Variants in DHX32 observed in about 807,000 individuals in gnomAD.
DHX32 encodes putative pre-mRNA-splicing factor ATP-dependent RNA helicase DHX32.
In DHX32, 51 loss-of-function variants were observed where a neutral mutation model predicts 70.0. The observed-to-expected ratio is 0.73, with a 90% CI of 0.58 to 0.92. The LOEUF (loss-of-function observed/expected upper bound fraction) is 0.92. Among genes scored for constraint, DHX32 ranks in the 40% least tolerant of loss-of-function variants. The probability of loss-of-function intolerance (pLI) is 0.00; values close to 1 mark genes in which losing one functional copy is unlikely to be tolerated. For synonymous variants in DHX32, 310 were observed against 315.3 expected (o/e 0.98, Z 0.18); for missense variants, 762 against 891.8 (o/e 0.85, Z 1.85).
chr10:125,859,757 A>G lies in DHX32; in HGVS notation c.695T>C (p.Val232Ala), dbSNP rs758355148. The G allele has an allele frequency of 8.1e-6, 13 of 1,614,020 alleles. No individual in the cohort carries two copies. Among genetic ancestry groups the G allele is most frequent in the Non-Finnish European group, 1.1e-5 (13 of 1,180,018 alleles). The change falls in exon 3 of 11, where the codon GTG (valine) becomes GCG (alanine). Residue 232 changes from valine to alanine, a missense_variant. Val to Ala is a moderately conservative substitution (Grantham distance 64, BLOSUM62 0). Coordinates refer to ENST00000284690, the MANE Select transcript of DHX32 (RefSeq NM_018180.3). ...TTTATTTTTCACTTCTATGACAGGC[A>G]CGTTTCCATAATAAGAATTGAGTTT... ...ISKLNSYYGN[V>A]PVIEVKNKHP...
intron 6 of DHX32, among the ~76,000 whole-genome samples, chr10:125,843,770 C>T (rs912930830): frequency 1.6e-4 from 24 of 152,140 alleles, no homozygotes; most frequent in African/African-American, 3.9e-4. Flanking sequence ...TGGAGGACAG[C>T]GGAGCCAGCA....
In DHX32 at chr10:125,836,606, G is replaced by A. The variant is rs984131005; in HGVS notation, c.*81C>T. 120 of 1,506,592 alleles carry A rather than the reference G, an allele frequency of 8.0e-5. 1 individual carries two copies. The highest frequency in any genetic ancestry group is 1.1e-4 in the South Asian group (8 of 76,026). 93.3% of individuals were successfully genotyped at this position (1,506,592 alleles called of 1,614,324 possible). On this transcript the variant is annotated 3_prime_UTR_variant, in exon 11 of 11. Transcript: ENST00000284690. ...TCCTGTGGATGTGAAATCCGTCTTCGCGTCATGTATCTCCCATATCCAGCA... is the reference window on the plus strand; with the variant it reads ...TCCTGTGGATGTGAAATCCGTCTTCACGTCATGTATCTCCCATATCCAGCA...
At chr10:125,876,115 C>T (rs968756769) in intron 1 of DHX32, among the ~76,000 whole-genome samples, 4 of 152,098 alleles carry the variant, frequency 2.6e-5, no homozygotes, top group African/African-American at 9.7e-5. Context: ...CTCTGTTGTC[C>T]CTACCCAGAA....
intron 7 of DHX32, chr10:125,841,411 G>C: frequency 6.3e-7 from 1 of 1,599,540 alleles, no homozygotes; most frequent in Non-Finnish European, 8.5e-7. Flanking sequence ...TAAAAAACAG[G>C]CACACAACAT....
chr10:125,837,211 T>C (rs192575647), intron 10 of DHX32, among the ~76,000 whole-genome samples: 12 of 152,270 alleles, frequency 7.9e-5, no homozygotes, highest in Admixed American at 2.0e-4. Context: ...AGAGGGGGTA[T>C]CTTTGCTTCT....
chr10:125,892,812 A>G (rs78559386), intron 1 of DHX32, among the ~76,000 whole-genome samples: 257 of 137,134 alleles, frequency 1.9e-3, no homozygotes, highest in East Asian at 4.0e-3. Context: ...TCACAACTAG[A>G]CTATCAGACA....
At chr10:125,875,241 A>G (rs1281330260) in intron 1 of DHX32, among the ~76,000 whole-genome samples, 4 of 151,976 alleles carry the variant, frequency 2.6e-5, no homozygotes, top group Non-Finnish European at 5.9e-5. Context: ...GCAATGATAA[A>G]CCAATGGTAA....
At chr10:125,837,230 C>G (rs1393860360) in intron 10 of DHX32, among the ~76,000 whole-genome samples, 1 of 152,162 alleles carries the variant, frequency 6.6e-6, no homozygotes, top group Non-Finnish European at 1.5e-5. Context: ...CTTATTTTAA[C>G]TAGTACCACT....
chr10:125,855,881 G>A (rs556957363), intron 3 of DHX32, among the ~76,000 whole-genome samples: 1 of 152,224 alleles, frequency 6.6e-6, no homozygotes, highest in East Asian at 1.9e-4. Context: ...TGAATTCTTC[G>A]GTCTAATGCT....
chr10:125,839,325 G>T (rs879080229), intron 8 of DHX32, 137 bp from the exon 9 acceptor site: 2 of 834,244 alleles, frequency 2.4e-6, no homozygotes, highest in Non-Finnish European at 3.6e-6. Context: ...GTGGCAGGAA[G>T]GCAGCAAGGA....
intron 3 of DHX32, among the ~76,000 whole-genome samples, chr10:125,857,677 A>G (rs1944157218): frequency 6.6e-6 from 1 of 152,198 alleles, no homozygotes; most frequent in Admixed American, 6.5e-5. Flanking sequence ...TCACTCTACA[A>G]TTAATTATAG....
chr10:125,844,717 G>GT (rs1943990314), intron 6 of DHX32, among the ~76,000 whole-genome samples: 3 of 152,340 alleles, frequency 2.0e-5, no homozygotes, highest in African/African-American at 7.2e-5. Context: ...ATAATCCATA[G>GT]TAAGTAACGC....
At chr10:125,887,151 T>C (rs1055700191) in intron 1 of DHX32, among the ~76,000 whole-genome samples, 2 of 152,206 alleles carry the variant, frequency 1.3e-5, no homozygotes, top group Non-Finnish European at 2.9e-5. Context: ...CATAATCTAA[T>C]AGGTCTTCTG....
At chr10:125,873,996 C>T (rs966526733) in intron 1 of DHX32, among the ~76,000 whole-genome samples, 2 of 152,186 alleles carry the variant, frequency 1.3e-5, no homozygotes, top group African/African-American at 4.8e-5. Context: ...AGGACAAAAA[C>T]TAGAGAAGGA....
rs200022736 is a variant in DHX32, at chr10:125,842,926, CTT to C, written c.1352-994_1352-993del. The stretch of plus-strand genomic sequence containing the variant: ...CCATTTATTTAAAGAAATATATTCT[CTT>C]TGTGGAATAAGGCTATATATAGATT... On this transcript the variant is annotated intron_variant, in intron 6 of 10. Coordinates refer to ENST00000284690, the MANE Select transcript of DHX32 (RefSeq NM_018180.3). The C allele has an allele frequency of 4.7e-3, 1,733 of 372,464 alleles. 32 individuals carry two copies. The highest frequency in any genetic ancestry group is 0.034 in the African/African-American group (1,543 of 45,504). 23.1% of individuals were successfully genotyped at this position (372,464 alleles called of 1,614,324 possible). A position where few individuals can be genotyped will look rare whatever the true frequency, so the allele number is the denominator to read the frequency against.
intron 6 of DHX32, among the ~76,000 whole-genome samples, chr10:125,851,920 CAAAAAA>C (rs56380138): frequency 2.3e-5 from 2 of 86,788 alleles, no homozygotes; most frequent in African/African-American, 4.5e-5. Flanking sequence ...GACCCTGTCT[CAAAAAA>C]AAAAAAAAAA....
intron 1 of DHX32, among the ~76,000 whole-genome samples, chr10:125,894,653 CAT>C (rs1444194599): frequency 6.6e-6 from 1 of 152,304 alleles, no homozygotes; most frequent in Non-Finnish European, 1.5e-5. Context: ...ATTACTTTAG[CAT>C]AGAGACCTGC....
intron 4 of DHX32, chr10:125,853,037 T>C: frequency 4.2e-6 from 4 of 945,914 alleles, no homozygotes; most frequent in Non-Finnish European, 6.4e-6. Flanking sequence ...ATCTTGGTGG[T>C]CTCACCTTTA....
At chr10:125,854,636 C>G (rs1944130196) in intron 3 of DHX32, 1 of 155,528 alleles carries the variant, frequency 6.4e-6, no homozygotes, top group South Asian at 2.0e-4. Context: ...TCACTGAGAA[C>G]TAGGTGAGCT....
Sources: allele counts gnomAD v4.1 joint callset (sites outside exome capture counted in the v4.1 genomes callset), GRCh38; gene constraint gnomAD v4.1.1; transcripts MANE v1.5; gene names NCBI Gene and HGNC (gene_info 2026-07-23, HGNC 2026-07-21).